The following CFAP20DC variants were observed in gnomAD, a reference collection of about 807,000 sequenced individuals.
CFAP20DC encodes protein CFAP20DC.
Under a neutral mutation model 101.7 loss-of-function variants are expected in CFAP20DC, and 84 were observed. The ratio of observed to expected loss-of-function variants is 0.83; its 90% CI spans 0.69 to 0.99. The LOEUF (loss-of-function observed/expected upper bound fraction) is 0.99, where lower values mean the gene tolerates loss of function less well. Ranked by LOEUF, CFAP20DC falls within the 50% of genes least tolerant of loss-of-function variation. CFAP20DC has a pLI of 0.00. For missense variants in CFAP20DC, 1,007 were observed against 970.3 expected, an observed-to-expected ratio of 1.04 and a Z score of -0.50; for synonymous variants, 359 against 351.2, an observed-to-expected ratio of 1.02 and a Z score of -0.25.
At chr3:58,906,306 C>T (rs143442905) in intron 6 of CFAP20DC, among the ~76,000 whole-genome samples, 62 of 152,280 alleles carry the variant, frequency 4.1e-4, no homozygotes, top group African/African-American at 1.4e-3. Flanking sequence ...TTGTCCTATA[C>T]TATGTTATCC....
chr3:58,854,518 A>T (rs554753350), intron 12 of CFAP20DC, among the ~76,000 whole-genome samples: 1 of 152,178 alleles, frequency 6.6e-6, no homozygotes, highest in East Asian at 1.9e-4. Context: ...AAAAGAGCCC[A>T]CATTGCCAAG....
chr3:58,730,481 T>C (rs1243065251), intron 3 of CFAP20DC, among the ~76,000 whole-genome samples: 2 of 152,130 alleles, frequency 1.3e-5, no homozygotes, highest in African/African-American at 2.4e-5. Context: ...TCCCAGGTGA[T>C]AAAGGCCGGG....
rs114203918 is a variant in CFAP20DC, at chr3:58,805,662, A to G, written c.2237+733T>C. Among the ~76,000 whole-genome samples, 1,217 of 152,302 alleles carry G rather than the reference A, an allele frequency of 8.0e-3. 18 individuals carry two copies. Among genetic ancestry groups the G allele is most frequent in the African/African-American group, 0.028 (1,163 of 41,568 alleles). On this transcript the variant is annotated intron_variant, in intron 15 of 16. Transcript: ENST00000482387. Reference sequence around the variant, plus strand: ...CTCACGATATATGGACTTTTCAATAATTTCCTAATATATGATAAATACTGA... The same window carrying G: ...CTCACGATATATGGACTTTTCAATAGTTTCCTAATATATGATAAATACTGA...
intron 15 of CFAP20DC, among the ~76,000 whole-genome samples, chr3:58,761,099 C>A (rs575653351): frequency 6.6e-6 from 1 of 152,158 alleles, no homozygotes; most frequent in Non-Finnish European, 1.5e-5. Flanking sequence ...GGAATAGTTT[C>A]AGAAGGAATG....
intron 5 of CFAP20DC, among the ~76,000 whole-genome samples, chr3:58,933,790 T>C (rs1229162134): frequency 6.6e-6 from 1 of 151,884 alleles, no homozygotes; most frequent in East Asian, 1.9e-4. Flanking sequence ...GAGGGAAATT[T>C]ATAGCACTAA....
intron 4 of CFAP20DC, among the ~76,000 whole-genome samples, chr3:59,025,315 G>C (rs2093874661): frequency 6.6e-6 from 1 of 152,106 alleles, no homozygotes; most frequent in African/African-American, 2.4e-5. Context: ...GGCTCCCAAG[G>C]AAAAGCTGCA....
intron 13 of CFAP20DC, among the ~76,000 whole-genome samples, chr3:58,848,228 C>G (rs2077894013): frequency 6.6e-6 from 1 of 151,496 alleles, no homozygotes; most frequent in African/African-American, 2.4e-5. Flanking sequence ...AAAATATTAG[C>G]TACTTCTATT....
intron 14 of CFAP20DC, among the ~76,000 whole-genome samples, chr3:58,822,164 A>T (rs533497278): frequency 2.8e-4 from 39 of 138,016 alleles, no homozygotes; most frequent in Admixed American, 5.2e-4. Flanking sequence ...GGGAGGGGGG[A>T]AGGATAGCAT....
chr3:58,994,328 T>C (rs2093041074), intron 4 of CFAP20DC, among the ~76,000 whole-genome samples: 1 of 152,210 alleles, frequency 6.6e-6, no homozygotes, highest in Non-Finnish European at 1.5e-5. Flanking sequence ...CTGAGATTCA[T>C]TACAGATGGC....
chr3:58,870,920 A>AG (rs1559741755), intron 7 of CFAP20DC, among the ~76,000 whole-genome samples: 5 of 150,210 alleles, frequency 3.3e-5, no homozygotes, highest in Non-Finnish European at 5.9e-5. Context: ...AAAAAAAAAA[A>AG]AAAAGAAAAA....
intron 4 of CFAP20DC, among the ~76,000 whole-genome samples, chr3:58,945,759 C>A (rs948698701): frequency 5.3e-5 from 8 of 149,752 alleles, no homozygotes; most frequent in Non-Finnish European, 1.0e-4. Context: ...TCCAGTGGCG[C>A]GATGTCGGCT....
At chr3:59,027,919 GAC>G (rs2093921668) in intron 4 of CFAP20DC, among the ~76,000 whole-genome samples, 2 of 152,254 alleles carry the variant, frequency 1.3e-5, no homozygotes, top group African/African-American at 4.8e-5. Context: ...GAAACCATTA[GAC>G]ACAGTTACAC....
At position 58,863,147 on chromosome 3, in the gene CFAP20DC, A is replaced by G; in HGVS notation, c.1593+411T>C. The G allele has an allele frequency of 9.4e-7, 1 of 1,068,738 alleles. No individual in the cohort carries two copies. The highest frequency in any genetic ancestry group is 1.1e-6 in the Non-Finnish European group (1 of 885,280). 66.2% of individuals were successfully genotyped at this position (1,068,738 alleles called of 1,614,324 possible). ...GTCTAAGGTGAAAAGATGGCAGGGGAGTAAGGAAGCCAGAAAACCATCAAT... is the reference window on the plus strand; with the variant it reads ...GTCTAAGGTGAAAAGATGGCAGGGGGGTAAGGAAGCCAGAAAACCATCAAT... On this transcript the variant is annotated intron_variant, in intron 12 of 16. Coordinates refer to ENST00000482387, the MANE Select transcript of CFAP20DC (RefSeq NM_001394063.1). This position sits in a 1 kb window ranked among gnomAD's most constrained non-coding sequence, Gnocchi z 5.9.
At chr3:58,972,701 G>A (rs2092019920) in intron 4 of CFAP20DC, among the ~76,000 whole-genome samples, 1 of 152,118 alleles carries the variant, frequency 6.6e-6, no homozygotes, top group Non-Finnish European at 1.5e-5. Flanking sequence ...TTCAAAATAA[G>A]AGACTGTAAT....
intron 5 of CFAP20DC, among the ~76,000 whole-genome samples, chr3:58,931,639 C>A (rs4681906): frequency 0.051 from 7,538 of 147,088 alleles, 326 homozygotes; most frequent in Admixed American, 0.13. Flanking sequence ...TCTGCAGCCA[C>A]CGCTGCGGAT....
At chr3:58,819,730 C>A (rs1331272412) in intron 14 of CFAP20DC, among the ~76,000 whole-genome samples, 3 of 144,286 alleles carry the variant, frequency 2.1e-5, no homozygotes, top group Admixed American at 1.4e-4. Context: ...GGAACGGGTA[C>A]CATTCCTTCT....
At chr3:59,047,495 A>G (rs887856269) in intron 1 of CFAP20DC, among the ~76,000 whole-genome samples, 12 of 152,168 alleles carry the variant, frequency 7.9e-5, no homozygotes, top group Non-Finnish European at 1.6e-4. Flanking sequence ...CATTAAATCA[A>G]TTGTGCCATA....
At chr3:58,748,933 T>A (rs919233682) in intron 16 of CFAP20DC, among the ~76,000 whole-genome samples, 3 of 152,130 alleles carry the variant, frequency 2.0e-5, no homozygotes, top group Non-Finnish European at 2.9e-5. Flanking sequence ...GGGAACATAA[T>A]ATAACCCCAC....
chr3:58,744,571 C>A (rs143575425), intron 16 of CFAP20DC, among the ~76,000 whole-genome samples: 1 of 152,104 alleles, frequency 6.6e-6, no homozygotes, highest in Admixed American at 6.5e-5. Flanking sequence ...TGGGGGAGGG[C>A]AGAGGCAAAC....
Sources: allele counts gnomAD v4.1 joint callset (sites outside exome capture counted in the v4.1 genomes callset), GRCh38; gene constraint gnomAD v4.1.1; non-coding constraint Gnocchi (gnomAD v3.1); transcripts MANE v1.5; gene names NCBI Gene and HGNC (gene_info 2026-07-23, HGNC 2026-07-21).